The following FRK variants were observed in gnomAD, a reference collection of about 807,000 sequenced individuals.
FRK encodes fyn related Src family tyrosine kinase, also known as tyrosine-protein kinase FRK.
A neutral mutation model predicts 56.4 loss-of-function variants in FRK; 51 were observed. That is an observed-to-expected ratio of 0.90 (90% confidence interval 0.72 to 1.14). The LOEUF (loss-of-function observed/expected upper bound fraction) is 1.14, where lower values mean the gene tolerates loss of function less well. FRK is among the 50% of genes most tolerant of loss of function. The pLI is 0.00. For synonymous variants in FRK, 245 were observed against 217.9 expected (o/e 1.12, Z -1.10); for missense variants, 570 against 601.4 (o/e 0.95, Z 0.55).
chr6:116,062,923 G>A (rs1427247122), upstream of FRK, among the ~76,000 whole-genome samples: 2 of 152,080 alleles, frequency 1.3e-5, no homozygotes, highest in Non-Finnish European at 1.5e-5. Context: ...AGCGACAGCT[G>A]GGCACCAGAC....
intron 1 of FRK, among the ~76,000 whole-genome samples, chr6:116,045,904 G>T (rs1212706751): frequency 6.6e-6 from 1 of 152,054 alleles, no homozygotes; most frequent in East Asian, 1.9e-4. Flanking sequence ...CTGACAAAGG[G>T]CTAATATCCA....
the FRK span, among the ~76,000 whole-genome samples, chr6:116,070,151 A>C: frequency 6.7e-6 from 1 of 149,802 alleles, no homozygotes; most frequent in Non-Finnish European, 1.5e-5. Context: ...AAAAAAAAAA[A>C]CCTGCTAAAG....
intron 2 of FRK, among the ~76,000 whole-genome samples, chr6:115,972,560 C>T (rs967481504): frequency 6.6e-6 from 1 of 152,188 alleles, no homozygotes. Context: ...AATTCTTCCT[C>T]CATTCCACTC....
At chr6:116,009,100 G>A (rs1775367475) in intron 1 of FRK, among the ~76,000 whole-genome samples, 1 of 152,160 alleles carries the variant, frequency 6.6e-6, no homozygotes, top group South Asian at 2.1e-4. Flanking sequence ...GACAGAAACA[G>A]CCGGACTGGT....
At chr6:116,022,866 T>C (rs147171561) in intron 1 of FRK, among the ~76,000 whole-genome samples, 1,740 of 152,244 alleles carry the variant, frequency 0.011, 23 homozygotes, top group African/African-American at 0.036. Context: ...TACAACAATG[T>C]CCTATATCCA....
At chr6:116,039,372 T>C in intron 1 of FRK, 1 of 1,498,874 alleles carries the variant, frequency 6.7e-7, no homozygotes, top group Non-Finnish European at 9.3e-7. Flanking sequence ...TATCCATTTA[T>C]GGAGGCTCTG....
At chr6:116,064,476 G>A (rs571533770), upstream of FRK, among the ~76,000 whole-genome samples, 18 of 152,218 alleles carry the variant, frequency 1.2e-4, no homozygotes, top group South Asian at 2.1e-4. Context: ...ATAAAAATGG[G>A]GAGGAAATGG....
At position 116,003,864 on chromosome 6, in the gene FRK, A is replaced by G; in HGVS notation, c.466+13T>C. On this transcript the variant is annotated intron_variant, in intron 2 of 7. Transcript: ENST00000606080. Reference sequence around the variant, plus strand: ...TCAAGCTCATATTGAATGACACAAAACAATACCCTTACCTGAAAGAGAGAA... The same window carrying G: ...TCAAGCTCATATTGAATGACACAAAGCAATACCCTTACCTGAAAGAGAGAA... 6.2e-7 allele frequency: 1 copy of G among 1,613,202 alleles called. No individual in the cohort carries two copies. The highest frequency in any genetic ancestry group is 8.5e-7 in the Non-Finnish European group (1 of 1,179,758).
intron 1 of FRK, among the ~76,000 whole-genome samples, chr6:116,024,234 TTTAC>T (rs1413942228): frequency 6.6e-6 from 1 of 152,110 alleles, no homozygotes; most frequent in African/African-American, 2.4e-5. Context: ...TATTTATTTA[TTTAC>T]TTATTTTTTC....
At chr6:116,043,000 A>G (rs1345165796) in intron 1 of FRK, among the ~76,000 whole-genome samples, 1 of 152,232 alleles carries the variant, frequency 6.6e-6, no homozygotes, top group African/African-American at 2.4e-5. Context: ...AGGGCATTAC[A>G]TAATGGTAAA....
chr6:116,080,018 T>C, the FRK span, among the ~76,000 whole-genome samples: 45 of 152,314 alleles, frequency 3.0e-4, no homozygotes, highest in Non-Finnish European at 5.9e-4. Context: ...CCCAATTGAC[T>C]ATCCGTTAAA....
intron 1 of FRK, among the ~76,000 whole-genome samples, chr6:116,054,468 AAT>A (rs1489191033): frequency 1.4e-5 from 2 of 143,794 alleles, no homozygotes; most frequent in East Asian, 1.9e-4. Context: ...TATATAATAT[AAT>A]ATATATAATA....
At position 116,060,571 on chromosome 6, in the gene FRK, T is replaced by C. The variant is rs1338072450; in HGVS notation, c.-260A>G. ...GAGCAGGAGCTGGGCAGCTGCTCACTAGGAAGGTGTCTTTTCTTCTTATCT... is the reference window on the plus strand; with the variant it reads ...GAGCAGGAGCTGGGCAGCTGCTCACCAGGAAGGTGTCTTTTCTTCTTATCT... On this transcript the variant is annotated 5_prime_UTR_variant, in exon 1 of 8. Coordinates refer to ENST00000606080, the MANE Select transcript of FRK (RefSeq NM_002031.3). 1 of 421,802 alleles carries C rather than the reference T, an allele frequency of 2.4e-6. No homozygotes were observed. The highest frequency in any genetic ancestry group is 2.0e-5 in the African/African-American group (1 of 50,396). The allele number at this position is 421,802 out of a possible 1,614,324, so 26.1% of individuals were successfully genotyped here.
At chr6:115,958,768 A>AAAGAAAGAAAGAAAGAAAGAAAGAAAGG (rs1292819468) in intron 4 of FRK, among the ~76,000 whole-genome samples, 1 of 80,700 alleles carries the variant, frequency 1.2e-5, no homozygotes, top group Non-Finnish European at 2.3e-5. Context: ...AGAAAGAAAG[A>AAAGAAAGAAAGAAAGAAAGAAAGAAAGG]GGGGGGGGAA....
the FRK span, among the ~76,000 whole-genome samples, chr6:116,079,730 C>CAG: frequency 6.6e-6 from 1 of 152,082 alleles, no homozygotes; most frequent in South Asian, 2.1e-4. Flanking sequence ...GATGGGACTA[C>CAG]AGACACATGC....
At chr6:115,984,777 T>C (rs906686371) in intron 2 of FRK, among the ~76,000 whole-genome samples, 9 of 150,798 alleles carry the variant, frequency 6.0e-5, no homozygotes, top group Admixed American at 1.3e-4. Context: ...AAAACTCCAA[T>C]AGCTTCTGAA....
At chr6:116,040,984 C>T (rs932708536) in intron 1 of FRK, among the ~76,000 whole-genome samples, 1 of 151,984 alleles carries the variant, frequency 6.6e-6, no homozygotes, top group African/African-American at 2.4e-5. Flanking sequence ...CCTTAAGCAC[C>T]AAAATTTTCA....
intron 2 of FRK, among the ~76,000 whole-genome samples, chr6:116,000,241 TTTTTTTTTTTTTTTTTTTTGA>T (rs1381230320): frequency 4.2e-5 from 2 of 47,480 alleles, no homozygotes; most frequent in Non-Finnish European, 8.8e-5. Context: ...TTTTTTTTTT[TTTTTTTTTTTTTTTTTTTTGA>T]GACGGAGTCT....
At chr6:116,058,476 CAG>C (rs1489291548) in intron 1 of FRK, among the ~76,000 whole-genome samples, 4 of 152,194 alleles carry the variant, frequency 2.6e-5, no homozygotes, top group Non-Finnish European at 5.9e-5. Flanking sequence ...GTTTGGAAAG[CAG>C]AAACAATGCT....
Sources: allele counts gnomAD v4.1 joint callset (sites outside exome capture counted in the v4.1 genomes callset), GRCh38; gene constraint gnomAD v4.1.1; transcripts MANE v1.5; gene names NCBI Gene and HGNC (gene_info 2026-07-23, HGNC 2026-07-21).